SBNO1: variants seen among roughly 807,000 people sequenced by gnomAD.
The protein encoded by SBNO1 is strawberry notch homolog 1.
SBNO1 carries 23 observed loss-of-function variants against 173.6 expected under a neutral mutation model. The ratio of observed to expected loss-of-function variants is 0.13; its 90% CI spans 0.10 to 0.19. SBNO1 has a LOEUF of 0.19. Ranked by LOEUF, SBNO1 falls within the 10% of genes least tolerant of loss-of-function variation. The pLI is 1.00. For missense variants in SBNO1, 1,238 were observed against 1,671.2 expected, an observed-to-expected ratio of 0.74 and a Z score of 4.52; for synonymous variants, 632 against 571.5, an observed-to-expected ratio of 1.11 and a Z score of -1.51.
At chr12:123,350,549 G>C in intron 1 of SBNO1, 108 bp from the exon 2 acceptor site, 1 of 875,656 alleles carries the variant, frequency 1.1e-6, no homozygotes, top group Non-Finnish European at 1.8e-6. Context: ...CATTCATTCA[G>C]TATTAATGAA....
chr12:123,319,218 G>C (rs1187156585), intron 20 of SBNO1, among the ~76,000 whole-genome samples: 1 of 152,016 alleles, frequency 6.6e-6, no homozygotes, highest in Non-Finnish European at 1.5e-5. Flanking sequence ...GCCCATCTCG[G>C]CCTCCCAAAG....
intron 16 of SBNO1, among the ~76,000 whole-genome samples, chr12:123,321,972 G>A (rs564693341): frequency 6.6e-6 from 1 of 152,298 alleles, no homozygotes; most frequent in East Asian, 1.9e-4. Context: ...AGTCAAGACT[G>A]CCTTCAAGTG....
intron 1 of SBNO1, among the ~76,000 whole-genome samples, chr12:123,353,878 A>G (rs1435940372): frequency 2.0e-5 from 3 of 152,216 alleles, no homozygotes; most frequent in African/African-American, 7.2e-5. Flanking sequence ...CATTTGAAAC[A>G]GAAGTACATT....
chr12:123,314,831 A>G (rs1869080462), intron 23 of SBNO1, among the ~76,000 whole-genome samples: 1 of 151,942 alleles, frequency 6.6e-6, no homozygotes, highest in South Asian at 2.1e-4. Flanking sequence ...TCCTGACCTC[A>G]GGTGACCCAC....
intron 28 of SBNO1, among the ~76,000 whole-genome samples, chr12:123,306,515 C>G (rs1319825710): frequency 6.6e-6 from 1 of 152,152 alleles, no homozygotes; most frequent in Non-Finnish European, 1.5e-5. Context: ...ACTTTCATCA[C>G]AATCTACCAA....
At chr12:123,350,593 G>C in intron 1 of SBNO1, 152 bp from the exon 2 acceptor site, 7 of 678,628 alleles carry the variant, frequency 1.0e-5, no homozygotes, top group East Asian at 2.6e-5. Flanking sequence ...GAGGATAAAA[G>C]AGAAATAGTC....
At chr12:123,363,870 G>C (rs972883954) in intron 1 of SBNO1, 1 of 985,604 alleles carries the variant, frequency 1.0e-6, no homozygotes, top group African/African-American at 1.7e-5. Flanking sequence ...GCCAGGGTCA[G>C]GAAAGAAACA....
At chr12:123,311,015 T>C (rs1311825525) in intron 25 of SBNO1, 40 bp downstream of exon 25, 6 of 1,361,058 alleles carry the variant, frequency 4.4e-6, no homozygotes, top group South Asian at 2.3e-5. Context: ...TTTAATACTA[T>C]AGCAACAGTT....
intron 16 of SBNO1, among the ~76,000 whole-genome samples, chr12:123,323,137 T>C (rs1296495709): frequency 6.6e-6 from 1 of 152,204 alleles, no homozygotes; most frequent in African/African-American, 2.4e-5. Context: ...TATGGTAGAA[T>C]GTATATAGCC....
chr12:123,323,880 T>A, intron 15 of SBNO1, 49 bp from the exon 16 acceptor site: 2 of 1,389,658 alleles, frequency 1.4e-6, no homozygotes, highest in Non-Finnish European at 2.0e-6. Flanking sequence ...ACAAAATAAT[T>A]ATATGTAAAG....
intron 3 of SBNO1, among the ~76,000 whole-genome samples, chr12:123,346,642 C>T (rs1338754192): frequency 6.6e-6 from 1 of 151,804 alleles, no homozygotes; most frequent in African/African-American, 2.4e-5. Context: ...CCAACCTGGG[C>T]GACAGAGCGA....
At chr12:123,329,481 C>T (rs1870955982) in intron 9 of SBNO1, among the ~76,000 whole-genome samples, 2 of 150,486 alleles carry the variant, frequency 1.3e-5, no homozygotes, top group African/African-American at 2.4e-5. Flanking sequence ...TAAAAAGTCA[C>T]AATTTACAAA....
At chr12:123,304,763 A>G (rs770622756) in intron 28 of SBNO1, 44 bp from the exon 29 acceptor site, 5 of 1,232,844 alleles carry the variant, frequency 4.1e-6, no homozygotes, top group Admixed American at 4.3e-5. Context: ...TATAATACAC[A>G]CTTTAAGACA....
At chr12:123,302,281 C>T (rs1358862476) in intron 30 of SBNO1, among the ~76,000 whole-genome samples, 3 of 138,982 alleles carry the variant, frequency 2.2e-5, no homozygotes, top group South Asian at 2.3e-4. Context: ...CTCGCTCTGT[C>T]CCCCAGGCTG....
intron 5 of SBNO1, 127 bp from the exon 6 acceptor site, chr12:123,336,618 T>G: frequency 1.6e-6 from 1 of 620,658 alleles, no homozygotes; most frequent in Non-Finnish European, 2.8e-6. Flanking sequence ...GCCACCTCAA[T>G]ACTCCCTAAA....
chr12:123,325,160 C>T (rs1239042434), intron 15 of SBNO1, among the ~76,000 whole-genome samples: 1 of 152,076 alleles, frequency 6.6e-6, no homozygotes, highest in Non-Finnish European at 1.5e-5. Flanking sequence ...AGTTACTGTT[C>T]CTGTGGATAA....
At chr12:123,320,989 G>T in intron 17 of SBNO1, 123 bp from the exon 18 acceptor site, 1 of 745,106 alleles carries the variant, frequency 1.3e-6, no homozygotes, top group Non-Finnish European at 2.1e-6. Context: ...GCCCAGGCTG[G>T]AGTGCAATGG....
Position 123,348,068 on chromosome 12 carries a change from T to C in SBNO1, c.198A>G (p.Glu66=). ...GTGCTGGAGTAGGTACAGTCTCTGG[T>C]TCTTGTTTAACAGGAACTGCTGCTT... ...ETEAAVPVKQ[E]PETVPTPALL... is the part of the protein sequence containing the mutation. Residue 66 remains glutamate, a synonymous_variant, in exon 3 of 32, where the codon GAA becomes GAG. Transcript: ENST00000602398. 6.2e-7 allele frequency: 1 copy of C among 1,611,714 alleles called. No individual in the cohort carries two copies. The highest frequency in any genetic ancestry group is 8.5e-7 in the Non-Finnish European group (1 of 1,178,044).
intron 3 of SBNO1, 27 bp downstream of exon 3, chr12:123,348,002 G>A: frequency 1.4e-6 from 2 of 1,398,990 alleles, no homozygotes; most frequent in Non-Finnish European, 2.0e-6. Context: ...TATTTTAGAA[G>A]TAACGACGAA....
Sources: gnomAD v4.1 joint callset for allele counts (sites outside exome capture counted in the v4.1 genomes callset) on GRCh38, gnomAD v4.1.1 for gene constraint, MANE v1.5 for transcripts, NCBI Gene and HGNC (gene_info 2026-07-23, HGNC 2026-07-21) for gene names.